CMYA5: variants seen among roughly 807,000 people sequenced by gnomAD.
The protein encoded by CMYA5 is cardiomyopathy-associated protein 5.
A neutral mutation model predicts 318.9 loss-of-function variants in CMYA5; 246 were observed. The ratio of observed to expected loss-of-function variants is 0.77; its 90% CI spans 0.70 to 0.86. The LOEUF is 0.86. CMYA5 is among the 40% of genes least tolerant of loss of function. The pLI is 0.00. For synonymous variants in CMYA5, 1,641 were observed against 1,729.5 expected, an observed-to-expected ratio of 0.95 and a Z score of 1.27; for missense variants, 4,589 against 4,678.2, an observed-to-expected ratio of 0.98 and a Z score of 0.56.
At chr5:79,747,046 CT>C in intron 4 of CMYA5, 44 bp from the exon 5 acceptor site, 3 of 1,155,418 alleles carry the variant, frequency 2.6e-6, no homozygotes, top group Admixed American at 2.1e-5. Context: ...TTCTCTCTCT[CT>C]TTTTCTCTCT....
At position 79,729,758 on chromosome 5, in the gene CMYA5, C is replaced by T. The variant is rs1296981501; in HGVS notation, c.993C>T (p.Pro331=). ...EDQKKIYADS[P]LNATSALEHT... ...AAAAGAAAATTTATGCTGATTCTCC[C>T]CTAAATGCCACATCTGCATTGGAGC... Residue 331 remains proline (P), a synonymous_variant, in exon 2 of 13, where the codon CCC becomes CCT. Transcript: ENST00000446378. 1.9e-6 allele frequency: 3 copies of T among 1,613,824 alleles called. No individual in the cohort carries two copies. The highest frequency in any genetic ancestry group is 2.5e-6 in the Non-Finnish European group (3 of 1,179,888).
rs751930980 is a variant in CMYA5 at position 79,733,925 on chromosome 5, C to T, written c.5160C>T (p.Ile1720=). 2 of 1,613,200 alleles carry T rather than the reference C, an allele frequency of 1.2e-6. No individual in the cohort carries two copies. The highest frequency in any genetic ancestry group is 2.2e-5 in the East Asian group (1 of 44,868). The change falls in exon 2 of 13, where the codon ATC becomes ATT. Residue 1720 remains isoleucine (I), a synonymous_variant. Coordinates refer to ENST00000446378, the MANE Select transcript of CMYA5 (RefSeq NM_153610.5). ...NEEIKPFSPK[I]ISLESKEPPA... is the part of the protein sequence containing the mutation. ...AAATTAAACCTTTCTCTCCCAAGATCATCAGCCTAGAGTCGAAAGAACCAC... is the reference window on the plus strand; with the variant it reads ...AAATTAAACCTTTCTCTCCCAAGATTATCAGCCTAGAGTCGAAAGAACCAC...
intron 1 of CMYA5, among the ~76,000 whole-genome samples, 185 bp from the exon 2 acceptor site, chr5:79,728,730 T>A (rs1357004146): frequency 1.3e-5 from 2 of 152,122 alleles, no homozygotes; most frequent in Non-Finnish European, 2.9e-5. Flanking sequence ...TTGTATTGGG[T>A]ATCCTGACTT....
chr5:79,735,906 G>A lies in CMYA5; in HGVS notation c.7141G>A (p.Val2381Ile). 1 of 1,599,122 alleles carries A rather than the reference G, an allele frequency of 6.3e-7. No individual in the cohort carries two copies. The highest frequency in any genetic ancestry group is 1.1e-5 in the South Asian group (1 of 87,582). ...AAAATCACTCCTTTCATTTGATGTAGTAGATAAGGTGCCACAACAGCCAAA... is the reference window on the plus strand; with the variant it reads ...AAAATCACTCCTTTCATTTGATGTAATAGATAAGGTGCCACAACAGCCAAA... ...KQKSLLSFDV[V>I]DKVPQQPKSA... The change falls in exon 2 of 13, where the codon GTA becomes ATA. Residue 2381 changes from valine to isoleucine, a missense_variant. Val to Ile is a conservative substitution (Grantham distance 29). This residue lies in a region of CMYA5 where 2,431 missense variants were observed against 2,495.1 expected (regional missense o/e 0.97). Transcript: ENST00000446378.
chr5:79,752,237 G>A (rs1828443829), intron 5 of CMYA5, among the ~76,000 whole-genome samples: 2 of 152,148 alleles, frequency 1.3e-5, no homozygotes, highest in Admixed American at 6.5e-5. Context: ...TAATATCGAG[G>A]TTTGAGAACA....
Position 79,737,805 on chromosome 5 carries a change from A to G in CMYA5, c.9040A>G (p.Thr3014Ala). 1 of 1,608,474 alleles carries G rather than the reference A, an allele frequency of 6.2e-7. No individual in the cohort carries two copies. The highest frequency in any genetic ancestry group is 8.5e-7 in the Non-Finnish European group (1 of 1,178,636). ...GAGCAGGTTAGAAGATGAAAAAGTT[A>G]CCCCATTGAAAGAAAATAAACAAAA... ...LKSRLEDEKV[T>A]PLKENKQKET... The change falls in exon 2 of 13, where the codon ACC becomes GCC. Residue 3014 changes from threonine to alanine, a missense_variant. Thr to Ala is a moderately conservative substitution (Grantham distance 58, BLOSUM62 0). This residue lies in a region of CMYA5 where 2,431 missense variants were observed against 2,495.1 expected (regional missense o/e 0.97). Coordinates refer to ENST00000446378, the MANE Select transcript of CMYA5 (RefSeq NM_153610.5).
chr5:79,744,981 G>A (rs891050829), intron 3 of CMYA5, among the ~76,000 whole-genome samples: 5 of 152,286 alleles, frequency 3.3e-5, no homozygotes, highest in Middle Eastern at 3.4e-3. Context: ...TATATATTTT[G>A]TATTATGGTA....
In CMYA5 at chr5:79,733,834, C is replaced by T. The variant is rs768487853; in HGVS notation, c.5069C>T (p.Ala1690Val). Residue 1690 changes from alanine (A) to valine (V), a missense_variant, in exon 2 of 13, where the codon GCA (alanine) becomes GTA (valine). Ala to Val is a moderately conservative substitution (Grantham distance 64). This residue lies in a region of CMYA5 where 2,132 missense variants were observed against 2,131.3 expected (regional missense o/e 1.00). Transcript: ENST00000446378. ...AAAGAAGAAAATAGAGAGCTTTGTG[C>T]ATCTTCTACGATGCCTGCAATTTCA... ...EGKEENRELCASSTMPAISEL... is the reference protein window; with the variant it reads ...EGKEENRELCVSSTMPAISEL... 32 of 1,613,558 alleles carry T rather than the reference C, an allele frequency of 2.0e-5. No individual in the cohort carries two copies. The Admixed American group carries it at 5.3e-4, about 27-fold the overall frequency.
chr5:79,736,493 A>C lies in CMYA5; in HGVS notation c.7728A>C (p.Leu2576Phe). ...ESMSRESDISLGHSLGETQSF... is the reference protein window; with the variant it reads ...ESMSRESDISFGHSLGETQSF... ...TGAGTAGAGAATCAGATATCTCTTT[A>C]GGTCATTCTTTGGGTGAAACTCAAT... The change falls in exon 2 of 13, where the codon TTA becomes TTC. Residue 2576 changes from leucine (L) to phenylalanine (F), a missense_variant. By Grantham distance (22) the Leu-to-Phe change is conservative. Coordinates refer to ENST00000446378, the MANE Select transcript of CMYA5 (RefSeq NM_153610.5). 1 of 1,612,176 alleles carries C rather than the reference A, an allele frequency of 6.2e-7. No homozygotes were observed. The highest frequency in any genetic ancestry group is 8.5e-7 in the Non-Finnish European group (1 of 1,178,988).
intron 2 of CMYA5, among the ~76,000 whole-genome samples, chr5:79,742,761 A>G (rs79187239): frequency 2.6e-4 from 16 of 62,476 alleles, no homozygotes; most frequent in East Asian, 6.5e-4. Context: ...ATTGAGAGTG[A>G]AAAAAAAAAA....
At position 79,732,284 on chromosome 5, in the gene CMYA5, A is replaced by T; in HGVS notation, c.3519A>T (p.Leu1173Phe). 6.2e-7 allele frequency: 1 copy of T among 1,613,924 alleles called. No individual in the cohort carries two copies. Among genetic ancestry groups the T allele is most frequent in the Non-Finnish European group, 8.5e-7 (1 of 1,179,874 alleles). Residue 1173 changes from leucine to phenylalanine, a missense_variant, in exon 2 of 13, where the codon TTA (leucine) becomes TTT (phenylalanine). Transcript: ENST00000446378. Reference sequence around the variant, plus strand: ...AACCTGCATCTCCACATTCAGTTTTACCTGATTCAGTCCCTGCAATCAAGA... The same window carrying T: ...AACCTGCATCTCCACATTCAGTTTTTCCTGATTCAGTCCCTGCAATCAAGA... Reference protein sequence around the residue: ...ETKPASPHSVLPDSVPAIKKE... With the variant: ...ETKPASPHSVFPDSVPAIKKE...
At chr5:79,728,418 C>T (rs144652895) in intron 1 of CMYA5, among the ~76,000 whole-genome samples, 197 of 150,764 alleles carry the variant, frequency 1.3e-3, no homozygotes, top group African/African-American at 4.6e-3. Context: ...TGGGAGGATG[C>T]GGCACAGTGG....
chr5:79,718,214 C>CAA (rs1827556549), intron 1 of CMYA5, among the ~76,000 whole-genome samples: 1 of 152,072 alleles, frequency 6.6e-6, no homozygotes, highest in Non-Finnish European at 1.5e-5. Flanking sequence ...GTTTGCTGAA[C>CAA]TGTTATTCAG....
At chr5:79,778,272 ATTATT>A (rs1396347463) in intron 9 of CMYA5, among the ~76,000 whole-genome samples, 1 of 152,244 alleles carries the variant, frequency 6.6e-6, no homozygotes, top group East Asian at 1.9e-4. Context: ...TGTAAATTAA[ATTATT>A]AGAAGTGGAA....
chr5:79,746,192 C>T (rs1828318569), intron 4 of CMYA5, among the ~76,000 whole-genome samples: 1 of 152,174 alleles, frequency 6.6e-6, no homozygotes, highest in Non-Finnish European at 1.5e-5. Context: ...TGTCACACAG[C>T]AAGAAGCACT....
intron 1 of CMYA5, among the ~76,000 whole-genome samples, chr5:79,701,147 A>G (rs918170890): frequency 2.0e-5 from 3 of 151,674 alleles, no homozygotes; most frequent in Non-Finnish European, 4.4e-5. Context: ...AGTCCCAGCT[A>G]CTTAGACAGG....
chr5:79,689,960 G>T lies in CMYA5; in HGVS notation c.53G>T (p.Gly18Val). 8.6e-7 allele frequency: 1 copy of T among 1,168,554 alleles called. No homozygotes were observed. The highest frequency in any genetic ancestry group is 1.2e-6 in the Non-Finnish European group (1 of 804,802). The allele number at this position is 1,168,554 out of a possible 1,614,324, so 72.4% of individuals were successfully genotyped here. A position where few individuals can be genotyped will look rare whatever the true frequency, so the allele number is the denominator to read the frequency against. The change falls in exon 1 of 13, where the codon GGG (glycine) becomes GTG (valine). Residue 18 changes from glycine (G) to valine (V), a missense_variant. By Grantham distance (109) the Gly-to-Val change is moderately radical. Around this residue, in one of 3 missense-constraint regions of CMYA5, gnomAD observed 2,132 missense variants for 2,131.3 expected, o/e 1.00. Coordinates refer to ENST00000446378, the MANE Select transcript of CMYA5 (RefSeq NM_153610.5). The part of the protein sequence containing the change: ...HAGESFLGSD[G>V]DEEATRELET... ...GGCGAGAGCTTTCTCGGCTCCGACG[G>T]GGACGAGGAGGCGACCCGGGAGCTG... is the stretch of plus-strand genomic sequence containing the variant.
rs1828007460 is a variant in CMYA5, at chr5:79,734,604, C to G, written c.5839C>G (p.Leu1947Val). 1.2e-6 allele frequency: 2 copies of G among 1,613,732 alleles called. No individual in the cohort carries two copies. The highest frequency in any genetic ancestry group is 1.3e-5 in the African/African-American group (1 of 74,922). ...TACATGTGAAGTGAGAAAGCAGGTC[C>G]TGCCGCATTCTGCTGAAGAATCTCA... ...DHTCEVRKQV[L>V]PHSAEESHLS... Residue 1947 changes from leucine (L) to valine (V), a missense_variant, in exon 2 of 13, where the codon CTG becomes GTG. Physicochemically the swap from Leu to Val is conservative, Grantham distance 32. Coordinates refer to ENST00000446378, the MANE Select transcript of CMYA5 (RefSeq NM_153610.5).
intron 1 of CMYA5, among the ~76,000 whole-genome samples, chr5:79,707,146 T>A (rs1404254506): frequency 6.6e-6 from 1 of 152,188 alleles, no homozygotes; most frequent in East Asian, 1.9e-4. Flanking sequence ...TTGAATACAT[T>A]TCAGGGTCCT....
Sources: gnomAD v4.1 joint callset for allele counts (sites outside exome capture counted in the v4.1 genomes callset) on GRCh38, gnomAD v4.1.1 for gene constraint, gnomAD v4.1.1 regional missense constraint, MANE v1.5 for transcripts, NCBI Gene and HGNC (gene_info 2026-07-23, HGNC 2026-07-21) for gene names.